Variants in FNBP1L observed in about 807,000 individuals in gnomAD.
FNBP1L encodes formin-binding protein 1-like.
FNBP1L carries 36 observed loss-of-function variants against 91.2 expected under a neutral mutation model. The ratio of observed to expected loss-of-function variants is 0.39; its 90% CI spans 0.30 to 0.52. The LOEUF (loss-of-function observed/expected upper bound fraction) is 0.52, where lower values mean the gene tolerates loss of function less well. Ranked by LOEUF, FNBP1L falls within the 20% of genes least tolerant of loss-of-function variation. The pLI is 0.66. For missense variants in FNBP1L, 571 were observed against 732.1 expected (o/e 0.78, Z 2.54); for synonymous variants, 242 against 237.0 (o/e 1.02, Z -0.19).
chr1:93,464,850 T>C (rs1669018991), intron 1 of FNBP1L, among the ~76,000 whole-genome samples: 3 of 152,190 alleles, frequency 2.0e-5, no homozygotes, highest in Admixed American at 6.5e-5. Flanking sequence ...GCAGGAACCA[T>C]TGAGGCTTGA....
intron 7 of FNBP1L, 45 bp from the exon 8 acceptor site, chr1:93,532,877 T>G: frequency 6.7e-7 from 1 of 1,485,902 alleles, no homozygotes; most frequent in Non-Finnish European, 9.1e-7. Context: ...TTAGAATGAT[T>G]GAAAAATTCA....
At chr1:93,503,521 T>C (rs556632798) in intron 2 of FNBP1L, among the ~76,000 whole-genome samples, 18 of 152,364 alleles carry the variant, frequency 1.2e-4, no homozygotes, top group Middle Eastern at 3.4e-3. Context: ...TTTTAATCTT[T>C]TCTCCCTTTA....
Position 93,532,956 on chromosome 1 carries a change from A to G in FNBP1L, c.674A>G (p.Lys225Arg). The change falls in exon 8 of 17, where the codon AAA becomes AGA. Residue 225 changes from lysine to arginine, a missense_variant. This residue lies in a region of FNBP1L where 220 missense variants were observed against 313.6 expected (regional missense o/e 0.70). Coordinates refer to ENST00000271234, the MANE Select transcript of FNBP1L (RefSeq NM_001164473.3). The part of the protein sequence containing the change: ...LQEMDERRTI[K>R]LSECYRGFAD... ...GAAATGGACGAACGAAGGACTATTA[A>G]ACTCAGTGAGTGTTACAGAGGATTT... 6.2e-7 allele frequency: 1 copy of G among 1,611,844 alleles called. No homozygotes were observed. The highest frequency in any genetic ancestry group is 1.7e-5 in the Admixed American group (1 of 59,922).
intron 1 of FNBP1L, 54 bp downstream of exon 1, chr1:93,448,359 G>A: frequency 8.9e-6 from 13 of 1,464,628 alleles, no homozygotes; most frequent in Non-Finnish European, 1.2e-5. Context: ...AGAAGCGCGG[G>A]TTGGGCGGGC....
chr1:93,552,372 C>T, intron 16 of FNBP1L, 37 bp from the exon 17 acceptor site: 2 of 1,604,782 alleles, frequency 1.2e-6, no homozygotes, highest in Middle Eastern at 1.7e-4. Context: ...CAAAGGTCTT[C>T]AGTAATTGTT....
At chr1:93,465,488 G>A (rs1170374734) in intron 1 of FNBP1L, among the ~76,000 whole-genome samples, 1 of 151,954 alleles carries the variant, frequency 6.6e-6, no homozygotes, top group Non-Finnish European at 1.5e-5. Context: ...TTTGCTCAGA[G>A]TGATGGTTTC....
chr1:93,449,455 T>C (rs966704413), intron 1 of FNBP1L, among the ~76,000 whole-genome samples: 9 of 152,212 alleles, frequency 5.9e-5, no homozygotes, highest in Non-Finnish European at 8.8e-5. Flanking sequence ...AAATAACTTT[T>C]GAGTATGTGT....
intron 1 of FNBP1L, among the ~76,000 whole-genome samples, chr1:93,496,426 G>C (rs919529700): frequency 6.6e-6 from 1 of 151,912 alleles, no homozygotes; most frequent in African/African-American, 2.4e-5. Flanking sequence ...TTATTTTTGA[G>C]ATAGGGTCTT....
At chr1:93,544,317 T>G in intron 12 of FNBP1L, 101 bp downstream of exon 12, 3 of 627,196 alleles carry the variant, frequency 4.8e-6, no homozygotes, top group Admixed American at 3.7e-5. Context: ...TCATATATCC[T>G]AATTGAAATA....
At chr1:93,485,822 G>T (rs1191508056) in intron 1 of FNBP1L, among the ~76,000 whole-genome samples, 1 of 151,982 alleles carries the variant, frequency 6.6e-6, no homozygotes, top group Non-Finnish European at 1.5e-5. Flanking sequence ...TTAGCCTCCC[G>T]AGTAGCTGGG....
intron 1 of FNBP1L, among the ~76,000 whole-genome samples, chr1:93,476,193 T>A (rs1234217770): frequency 6.6e-6 from 1 of 152,228 alleles, no homozygotes; most frequent in Non-Finnish European, 1.5e-5. Flanking sequence ...ATGTAACTGA[T>A]TCTATGTTCA....
intron 1 of FNBP1L, among the ~76,000 whole-genome samples, chr1:93,497,183 C>T (rs865954192): frequency 1.7e-4 from 26 of 151,664 alleles, no homozygotes; most frequent in African/African-American, 6.3e-4. Context: ...AGGATGGTCT[C>T]GATCTCCTGA....
intron 9 of FNBP1L, among the ~76,000 whole-genome samples, chr1:93,535,530 G>A (rs534162317): frequency 2.0e-5 from 3 of 152,136 alleles, no homozygotes; most frequent in South Asian, 2.1e-4. Flanking sequence ...GGTTGTACTC[G>A]TGTCTTATTA....
intron 1 of FNBP1L, among the ~76,000 whole-genome samples, chr1:93,463,043 T>TTA (rs2101689768): frequency 6.6e-6 from 1 of 152,338 alleles, no homozygotes; most frequent in African/African-American, 2.4e-5. Context: ...GTACTTTGAG[T>TTA]TATAATCCAA....
intron 1 of FNBP1L, among the ~76,000 whole-genome samples, chr1:93,479,157 G>C (rs1053448671): frequency 6.6e-6 from 1 of 152,074 alleles, no homozygotes; most frequent in Non-Finnish European, 1.5e-5. Context: ...ATCACATATC[G>C]GTAGGTCCAT....
chr1:93,520,612 C>T (rs1474701774), intron 2 of FNBP1L, among the ~76,000 whole-genome samples: 1 of 152,102 alleles, frequency 6.6e-6, no homozygotes, highest in Non-Finnish European at 1.5e-5. Flanking sequence ...CCAGGTTGAC[C>T]ATACTTTGAG....
intron 1 of FNBP1L, among the ~76,000 whole-genome samples, chr1:93,453,840 A>T (rs564258483): frequency 6.6e-6 from 1 of 152,248 alleles, no homozygotes; most frequent in African/African-American, 2.4e-5. Flanking sequence ...TTTCATGCCT[A>T]TTATGGCTTC....
At chr1:93,455,875 A>G (rs1455581207) in intron 1 of FNBP1L, among the ~76,000 whole-genome samples, 2 of 152,260 alleles carry the variant, frequency 1.3e-5, no homozygotes, top group African/African-American at 2.4e-5. Context: ...TTTTCCCAAA[A>G]TAAGTTGTAT....
intron 7 of FNBP1L, 119 bp from the exon 8 acceptor site, chr1:93,532,800 TAAC>T (rs1157781282): frequency 1.5e-6 from 1 of 645,950 alleles, no homozygotes. Flanking sequence ...TAAAAGGTAT[TAAC>T]AACAGTGTAA....
Sources: allele counts gnomAD v4.1 joint callset (sites outside exome capture counted in the v4.1 genomes callset), GRCh38; gene constraint gnomAD v4.1.1; regional missense constraint gnomAD v4.1.1; transcripts MANE v1.5; gene names NCBI Gene and HGNC (gene_info 2026-07-23, HGNC 2026-07-21).